RABGAP1L: variants seen among roughly 807,000 people sequenced by gnomAD.
RABGAP1L encodes rab GTPase-activating protein 1-like.
In RABGAP1L, 63 loss-of-function variants were observed where a neutral mutation model predicts 137.7. That is an observed-to-expected ratio of 0.46 (90% CI 0.37 to 0.56). The LOEUF (loss-of-function observed/expected upper bound fraction) is 0.56, where lower values mean the gene tolerates loss of function less well. Among genes scored for constraint, RABGAP1L ranks in the 20% least tolerant of loss-of-function variants. RABGAP1L has a pLI of 0.00. For missense variants in RABGAP1L, 1,095 were observed against 1,244.0 expected, an observed-to-expected ratio of 0.88 and a Z score of 1.80; for synonymous variants, 431 against 433.7, an observed-to-expected ratio of 0.99 and a Z score of 0.08.
intron 13 of RABGAP1L, among the ~76,000 whole-genome samples, chr1:174,611,168 C>G (rs1052642540): frequency 6.8e-6 from 1 of 147,910 alleles, no homozygotes; most frequent in Non-Finnish European, 1.5e-5. Context: ...AGGTTTTCTT[C>G]TAGGGTTTTT....
intron 14 of RABGAP1L, among the ~76,000 whole-genome samples, chr1:174,663,222 A>G (rs1257006897): frequency 6.6e-6 from 1 of 152,152 alleles, no homozygotes; most frequent in Non-Finnish European, 1.5e-5. Context: ...TAAGTGCCCT[A>G]TACAGGTGTG....
chr1:174,581,736 A>G (rs1668765000), intron 13 of RABGAP1L, among the ~76,000 whole-genome samples: 1 of 152,218 alleles, frequency 6.6e-6, no homozygotes, highest in East Asian at 1.9e-4. Context: ...AAACAAAAAG[A>G]TTATTTATAA....
chr1:174,180,883 TA>T (rs1460510843), intron 1 of RABGAP1L, among the ~76,000 whole-genome samples: 3 of 152,228 alleles, frequency 2.0e-5, no homozygotes, highest in Non-Finnish European at 4.4e-5. Flanking sequence ...GATAATTTAA[TA>T]ATTATTAAAA....
intron 22 of RABGAP1L, among the ~76,000 whole-genome samples, chr1:174,976,551 T>C (rs1325405821): frequency 6.6e-6 from 1 of 152,206 alleles, no homozygotes; most frequent in African/African-American, 2.4e-5. Flanking sequence ...CTGAAGTAGT[T>C]TATGAGCATT....
chr1:174,288,783 T>C (rs1676305097), intron 10 of RABGAP1L, among the ~76,000 whole-genome samples: 1 of 152,188 alleles, frequency 6.6e-6, no homozygotes, highest in African/African-American at 2.4e-5. Flanking sequence ...TTTCTTTATA[T>C]AGATTTTTCA....
intron 10 of RABGAP1L, among the ~76,000 whole-genome samples, chr1:174,295,532 A>T (rs1458291625): frequency 1.3e-5 from 2 of 151,890 alleles, no homozygotes; most frequent in Admixed American, 6.6e-5. Context: ...ACAGGTGGCC[A>T]CCACCAGGCC....
intron 14 of RABGAP1L, among the ~76,000 whole-genome samples, chr1:174,660,739 T>G (rs1018051345): frequency 6.6e-6 from 1 of 152,224 alleles, no homozygotes; most frequent in Admixed American, 6.5e-5. Flanking sequence ...CCAAGAAATC[T>G]ACATGGCTTG....
chr1:174,549,615 A>G lies in RABGAP1L; in HGVS notation c.1711-87760A>G, dbSNP rs368403886. Among the ~76,000 whole-genome samples, 10 of 152,212 alleles carry G rather than the reference A, an allele frequency of 6.6e-5. No homozygotes were observed. In the East Asian group the frequency reaches 7.7e-4, roughly 12 times the overall value. On this transcript the variant is annotated intron_variant, in intron 13 of 25. Coordinates refer to ENST00000681986, the MANE Select transcript of RABGAP1L (RefSeq NM_001366446.1). ...AGCTCTTGAGATCTCAAGAAATGGAACAAGCTGAAGAAGTAAAACTATTGA... is the reference window on the plus strand; with the variant it reads ...AGCTCTTGAGATCTCAAGAAATGGAGCAAGCTGAAGAAGTAAAACTATTGA...
chr1:174,453,420 C>T (rs912718124), intron 13 of RABGAP1L, among the ~76,000 whole-genome samples: 2 of 152,144 alleles, frequency 1.3e-5, no homozygotes, highest in Non-Finnish European at 2.9e-5. Flanking sequence ...TCCTCTTTTT[C>T]TCCCCACGCT....
intron 19 of RABGAP1L, among the ~76,000 whole-genome samples, chr1:174,840,550 G>A (rs189067619): frequency 6.0e-5 from 9 of 150,650 alleles, no homozygotes; most frequent in South Asian, 2.1e-4. Context: ...GGTGACTCAC[G>A]CCTGTAATCC....
rs12094499 is a variant in RABGAP1L at position 174,212,807 on chromosome 1, A to G, written c.-33-6318A>G. On this transcript the variant is annotated intron_variant, in intron 1 of 25. Transcript: ENST00000681986. ...ACAAACCCTTAGCCAGACTAAGAGAAAAAGAGAGATCCAAATTAATAAAAT... is the reference window on the plus strand; with the variant it reads ...ACAAACCCTTAGCCAGACTAAGAGAGAAAGAGAGATCCAAATTAATAAAAT... Among the ~76,000 whole-genome samples, 378 of 152,276 alleles carry G rather than the reference A, an allele frequency of 2.5e-3. 1 individual carries two copies. Among genetic ancestry groups the G allele is most frequent in the African/African-American group, 8.9e-3 (372 of 41,568 alleles).
At chr1:174,245,072 GA>G in intron 5 of RABGAP1L, 1 of 152,298 alleles carries the variant, frequency 6.6e-6, no homozygotes, top group South Asian at 2.1e-4. Context: ...CCTTGCATGG[GA>G]AAATTTCTTT....
At chr1:174,875,250 G>A (rs78228670) in intron 19 of RABGAP1L, among the ~76,000 whole-genome samples, 3,834 of 152,232 alleles carry the variant, frequency 0.025, 65 homozygotes, top group Middle Eastern at 0.085. Context: ...CATGCTTATA[G>A]CCTGATGCCG....
intron 18 of RABGAP1L, among the ~76,000 whole-genome samples, chr1:174,756,213 A>G (rs1427570081): frequency 6.6e-6 from 1 of 152,136 alleles, no homozygotes; most frequent in Non-Finnish European, 1.5e-5. Context: ...CGGTGGCACA[A>G]TCTTGGCTCA....
intron 13 of RABGAP1L, among the ~76,000 whole-genome samples, chr1:174,417,147 G>C (rs1650691161): frequency 6.6e-6 from 1 of 152,108 alleles, no homozygotes; most frequent in African/African-American, 2.4e-5. Context: ...TCTCAGTGAA[G>C]ACTGGAATTT....
chr1:174,758,709 G>T (rs1684976429), intron 18 of RABGAP1L, among the ~76,000 whole-genome samples: 1 of 152,070 alleles, frequency 6.6e-6, no homozygotes, highest in Non-Finnish European at 1.5e-5. Flanking sequence ...TGGGCACTTA[G>T]GTTGATGTTT....
At chr1:174,697,101 CCCTAAAG>C (rs1244094125) in intron 15 of RABGAP1L, among the ~76,000 whole-genome samples, 1 of 152,192 alleles carries the variant, frequency 6.6e-6, no homozygotes, top group East Asian at 1.9e-4. Flanking sequence ...ATCTCTGTAT[CCCTAAAG>C]CCTAGAACAG....
chr1:174,203,529 G>C (rs766545982), intron 1 of RABGAP1L, among the ~76,000 whole-genome samples: 1 of 152,192 alleles, frequency 6.6e-6, no homozygotes, highest in Non-Finnish European at 1.5e-5. Context: ...ATAGTTTGAA[G>C]TTGGGTAACA....
chr1:174,758,705 C>CT (rs772355816), intron 18 of RABGAP1L, among the ~76,000 whole-genome samples: 1 of 152,114 alleles, frequency 6.6e-6, no homozygotes, highest in Non-Finnish European at 1.5e-5. Context: ...GTGATGGGCA[C>CT]TTAGGTTGAT....
Sources: allele counts gnomAD v4.1 joint callset (sites outside exome capture counted in the v4.1 genomes callset), GRCh38; gene constraint gnomAD v4.1.1; transcripts MANE v1.5; gene names NCBI Gene and HGNC (gene_info 2026-07-23, HGNC 2026-07-21).